LOXL3: variants seen among roughly 807,000 people sequenced by gnomAD.
LOXL3 encodes lysyl oxidase like 3, also known as lysyl oxidase homolog 3.
Under a neutral mutation model 91.8 loss-of-function variants are expected in LOXL3, and 60 were observed. The ratio of observed to expected loss-of-function variants is 0.65; its 90% CI spans 0.53 to 0.81. LOXL3 has a LOEUF of 0.81. Ranked by LOEUF, LOXL3 falls within the 30% of genes least tolerant of loss-of-function variation. The pLI is 0.00. For synonymous variants in LOXL3, 355 were observed against 387.6 expected (o/e 0.92, Z 0.99); for missense variants, 874 against 1,000.4 (o/e 0.87, Z 1.70).
rs1675878389 is a variant in LOXL3, at chr2:74,534,564, C to T, written c.1790G>A (p.Gly597Glu). Residue 597 changes from glycine to glutamate, a missense_variant, in exon 10 of 14, where the codon GGG becomes GAG. By Grantham distance (98) the Gly-to-Glu change is moderately conservative. Transcript: ENST00000264094. ...LGRADFRPKA[G>E]RHSWVWHECH... ...CTCGTGCCACACCCAGGAGTGGCGC[C>T]CAGCCTTGGGCCTGAAGTCAGCTCG... The T allele has an allele frequency of 6.2e-7, 1 of 1,614,190 alleles. No individual in the cohort carries two copies. The highest frequency in any genetic ancestry group is 8.5e-7 in the Non-Finnish European group (1 of 1,180,030).
intron 4 of LOXL3, among the ~76,000 whole-genome samples, chr2:74,544,766 T>C (rs117923687): frequency 7.9e-5 from 12 of 152,346 alleles, no homozygotes; most frequent in East Asian, 1.9e-4. Flanking sequence ...CCATTTTTTT[T>C]CCCTAAGGAG....
chr2:74,532,521 C>A lies in LOXL3; in HGVS notation c.*1085G>T. On this transcript the variant is annotated 3_prime_UTR_variant, in exon 14 of 14. Transcript: ENST00000264094. ...TTGTAGTACCTAGCCCATGTCCTGT[C>A]CATATATTTATCAATGTGTTGATGA... 1.1e-6 allele frequency: 1 copy of A among 902,706 alleles called. No homozygotes were observed. The highest frequency in any genetic ancestry group is 1.8e-6 in the Non-Finnish European group (1 of 554,120). The allele number at this position is 902,706 out of a possible 1,614,324, so 55.9% of individuals were successfully genotyped here.
chr2:74,552,441 T>A lies in LOXL3; in HGVS notation c.194A>T (p.Glu65Val), dbSNP rs751949995. ...GTCATCATCGCAGATGGTGCCCCAT[T>A]CACCAGCTCGCTGTATCTCCACGCG... ...EGRVEIQRAG[E>V]WGTICDDDFT... The change falls in exon 2 of 14, where the codon GAA (glutamate) becomes GTA (valine). Residue 65 changes from glutamate to valine, a missense_variant. Glu to Val is a moderately radical substitution (Grantham distance 121). Transcript: ENST00000264094. The A allele has an allele frequency of 5.0e-6, 8 of 1,613,756 alleles. No individual in the cohort carries two copies. Among genetic ancestry groups the A allele is most frequent in the Non-Finnish European group, 6.8e-6 (8 of 1,179,934 alleles).
At position 74,532,603 on chromosome 2, in the gene LOXL3, A is replaced by T. The variant is rs1189306455; in HGVS notation, c.*1003T>A. On this transcript the variant is annotated 3_prime_UTR_variant, in exon 14 of 14. Transcript: ENST00000264094. ...ATGCCTGGGTTTGGCTAATAGGGTG[A>T]TCTGTGTACTTTCAGCATCCTTGCT... The T allele has an allele frequency of 1.9e-6, 3 of 1,610,136 alleles. No homozygotes were observed. In the African/African-American group the frequency reaches 4.0e-5, roughly 22 times the overall value.
intron 9 of LOXL3, 85 bp from the exon 10 acceptor site, chr2:74,534,859 C>G: frequency 6.9e-7 from 1 of 1,459,288 alleles, no homozygotes; most frequent in Non-Finnish European, 9.3e-7. Flanking sequence ...GTGTGTAAGA[C>G]TAGTTTTTTG....
Position 74,534,775 on chromosome 2 carries a change from C to G in LOXL3, c.1580-1G>C. ...GAGTGCAGCAACAGATCTGATGCAG[C>G]TGCACCAAGAAAGGAAGGGGGTGTT... On this transcript the variant is annotated splice_acceptor_variant, in intron 9 of 13. Transcript: ENST00000264094. LOFTEE classifies it high-confidence loss of function. The G allele has an allele frequency of 6.2e-7, 1 of 1,609,570 alleles. No homozygotes were observed. Among genetic ancestry groups the G allele is most frequent in the Non-Finnish European group, 8.5e-7 (1 of 1,176,748 alleles).
Position 74,533,089 on chromosome 2 carries a change from C to A in LOXL3, c.*517G>T. On this transcript the variant is annotated 3_prime_UTR_variant, in exon 14 of 14. Coordinates refer to ENST00000264094, the MANE Select transcript of LOXL3 (RefSeq NM_032603.5). ...AGAGGGTTAAATGAACCAGTGGGGGCAGGTCCCTCCAACCACCAGCACTGA... is the reference window on the plus strand; with the variant it reads ...AGAGGGTTAAATGAACCAGTGGGGGAAGGTCCCTCCAACCACCAGCACTGA... The A allele has an allele frequency of 9.5e-7, 1 of 1,051,112 alleles. No individual in the cohort carries two copies. The highest frequency in any genetic ancestry group is 1.5e-6 in the Non-Finnish European group (1 of 688,626). 65.1% of individuals were successfully genotyped at this position (1,051,112 alleles called of 1,614,324 possible). A position where few individuals can be genotyped will look rare whatever the true frequency, so the allele number is the denominator to read the frequency against.
chr2:74,540,378 G>A (rs80153151), intron 4 of LOXL3, among the ~76,000 whole-genome samples: 5,628 of 152,288 alleles, frequency 0.037, 316 homozygotes, highest in African/African-American at 0.12. Flanking sequence ...CAGGCTAGGC[G>A]GCAGAACTAG....
chr2:74,533,678 A>C lies in LOXL3; in HGVS notation c.2190T>G (p.Gly730=). Residue 730 remains glycine (G), a splice_region_variant and synonymous_variant, in exon 14 of 14, where the codon GGT becomes GGG. Transcript: ENST00000264094. ...HRIWVHNCHI[G]DAFSEEANRR... Reference sequence around the variant, plus strand: ...TGTTGGCCTCTTCACTGAAGGCATCACCTGCAGAGTGGACAGGCAATTTGG... The same window carrying C: ...TGTTGGCCTCTTCACTGAAGGCATCCCCTGCAGAGTGGACAGGCAATTTGG... 6.2e-7 allele frequency: 1 copy of C among 1,613,976 alleles called. No individual in the cohort carries two copies. The highest frequency in any genetic ancestry group is 1.1e-5 in the South Asian group (1 of 91,062).
At chr2:74,550,616 T>G (rs1320319256) in intron 2 of LOXL3, among the ~76,000 whole-genome samples, 1 of 152,204 alleles carries the variant, frequency 6.6e-6, no homozygotes, top group Non-Finnish European at 1.5e-5. Flanking sequence ...GAAGTTCTGA[T>G]CAGTCTCTAC....
At chr2:74,552,186 G>T in intron 2 of LOXL3, 136 bp downstream of exon 2, 1 of 791,804 alleles carries the variant, frequency 1.3e-6, no homozygotes, top group Middle Eastern at 3.8e-4. Context: ...TGCTTGGTTT[G>T]TCATCCATGG....
chr2:74,552,245 G>T, intron 2 of LOXL3, 77 bp downstream of exon 2: 1 of 1,369,936 alleles, frequency 7.3e-7, no homozygotes, highest in Non-Finnish European at 1.0e-6. Context: ...CTATGGCTGT[G>T]CCATCCTCGT....
At chr2:74,554,208 G>C (rs1183944545), upstream of LOXL3, 1 of 155,838 alleles carries the variant, frequency 6.4e-6, no homozygotes, top group East Asian at 1.9e-4. This position sits in a 1 kb window ranked among gnomAD's most constrained non-coding sequence, Gnocchi z 4.9. Context: ...TCTGCGGTCA[G>C]GGAGCTGACA....
rs1676800789 is a variant in LOXL3 at position 74,549,009 on chromosome 2, T to TTAC, written c.692+357_692+359dup. 6.2e-6 allele frequency: 1 copy of TTAC among 161,712 alleles called. No homozygotes were observed. Among genetic ancestry groups the TTAC allele is most frequent in the Admixed American group, 6.5e-5 (1 of 15,470 alleles). The allele number at this position is 161,712 out of a possible 1,614,324, so 10.0% of individuals were successfully genotyped here. A position where few individuals can be genotyped will look rare whatever the true frequency, so the allele number is the denominator to read the frequency against. ...CCGCCTCCCAGGGGCGGCCGCGTCC[T>TTAC]TACTGAACTCGGAAATCGCTGGCCG... is the stretch of plus-strand genomic sequence containing the variant. On this transcript the variant is annotated intron_variant, in intron 4 of 13. Transcript: ENST00000264094. This position sits in a 1 kb window ranked among gnomAD's most constrained non-coding sequence, Gnocchi z 5.3.
chr2:74,555,618 T>C, upstream of LOXL3: 1 of 1,614,098 alleles, frequency 6.2e-7, no homozygotes. This position sits in a 1 kb window ranked among gnomAD's most constrained non-coding sequence, Gnocchi z 6.1. Flanking sequence ...CCACCTAAGC[T>C]TTCTGCCCTG....
chr2:74,552,071 G>A (rs894173906), intron 2 of LOXL3, among the ~76,000 whole-genome samples: 2 of 152,250 alleles, frequency 1.3e-5, no homozygotes, highest in Non-Finnish European at 2.9e-5. Context: ...TTTTGCAGCA[G>A]AAAAGAACTT....
upstream of LOXL3, chr2:74,555,490 C>T: frequency 6.2e-7 from 1 of 1,609,744 alleles, no homozygotes; most frequent in East Asian, 2.2e-5. This position sits in a 1 kb window ranked among gnomAD's most constrained non-coding sequence, Gnocchi z 6.1. Context: ...GGGGCAGTTA[C>T]AGAGGCAGAG....
rs138113824 is a variant in LOXL3 at position 74,552,762 on chromosome 2, C to T, written c.-12-116G>A. The T allele has an allele frequency of 1.5e-4, 133 of 893,264 alleles. No homozygotes were observed. The African/African-American group carries it at 1.8e-3, about 12-fold the overall frequency. 55.3% of individuals were successfully genotyped at this position (893,264 alleles called of 1,614,324 possible). A position where few individuals can be genotyped will look rare whatever the true frequency, so the allele number is the denominator to read the frequency against. On this transcript the variant is annotated intron_variant, in intron 1 of 13. Transcript: ENST00000264094. ...CAGACACTGAGTAAGACAGAGACAGCGAGAGACAACAGGAGAGAAAGAGCC... is the reference window on the plus strand; with the variant it reads ...CAGACACTGAGTAAGACAGAGACAGTGAGAGACAACAGGAGAGAAAGAGCC...
chr2:74,532,881 G>T lies in LOXL3; in HGVS notation c.*725C>A. On this transcript the variant is annotated 3_prime_UTR_variant, in exon 14 of 14. Transcript: ENST00000264094. ...TGGGGAGCAGATGGTACAAAATGCTGAAGATGTTTATGAAGCTGTTCGAAC... is the reference window on the plus strand; with the variant it reads ...TGGGGAGCAGATGGTACAAAATGCTTAAGATGTTTATGAAGCTGTTCGAAC... 1 of 1,614,132 alleles carries T rather than the reference G, an allele frequency of 6.2e-7. No individual in the cohort carries two copies. The highest frequency in any genetic ancestry group is 8.5e-7 in the Non-Finnish European group (1 of 1,180,024).
Sources: allele counts gnomAD v4.1 joint callset (sites outside exome capture counted in the v4.1 genomes callset), GRCh38; gene constraint gnomAD v4.1.1; non-coding constraint Gnocchi (gnomAD v3.1); transcripts MANE v1.5; gene names NCBI Gene and HGNC (gene_info 2026-07-23, HGNC 2026-07-21).